PKHD1L1: variants seen among roughly 807,000 people sequenced by gnomAD.
The protein encoded by PKHD1L1 is fibrocystin-L.
PKHD1L1 carries 434 observed loss-of-function variants against 462.9 expected under a neutral mutation model. That is an observed-to-expected ratio of 0.94 (90% CI 0.87 to 1.02). The LOEUF is 1.02. Ranked by LOEUF, PKHD1L1 falls within the 50% of genes least tolerant of loss-of-function variation. The pLI is 0.00. For synonymous variants in PKHD1L1, 1,781 were observed against 1,750.0 expected, an observed-to-expected ratio of 1.02 and a Z score of -0.44; for missense variants, 5,202 against 5,096.1, an observed-to-expected ratio of 1.02 and a Z score of -0.63.
In PKHD1L1 at chr8:109,384,070, G is replaced by T; in HGVS notation, c.418G>T (p.Ala140Ser). 6.2e-7 allele frequency: 1 copy of T among 1,603,782 alleles called. No individual in the cohort carries two copies. The highest frequency in any genetic ancestry group is 8.5e-7 in the Non-Finnish European group (1 of 1,171,354). ...HINSWECTFNAKSFRTPTIRS... is the reference protein window; with the variant it reads ...HINSWECTFNSKSFRTPTIRS... ...CATATTGACATTATTCTTTTTACAG[G>T]CAAAAAGTTTTAGAACCCCAACAAT... The change falls in exon 5 of 78, where the codon GCA becomes TCA. Residue 140 changes from alanine (A) to serine (S), a missense_variant and splice_region_variant. Physicochemically the swap from Ala to Ser is moderately conservative, Grantham distance 99. Transcript: ENST00000378402.
intron 47 of PKHD1L1, among the ~76,000 whole-genome samples, chr8:109,460,259 TA>T (rs1478929718): frequency 6.6e-6 from 1 of 152,180 alleles, no homozygotes; most frequent in Non-Finnish European, 1.5e-5. Flanking sequence ...CTATATTTGA[TA>T]GTGATACAAA....
At chr8:109,522,415 T>C (rs1820597781) in intron 74 of PKHD1L1, 78 bp downstream of exon 74, 4 of 1,361,098 alleles carry the variant, frequency 2.9e-6, no homozygotes, top group Non-Finnish European at 3.9e-6. Context: ...TAACTCTCTG[T>C]TTCTATTTCA....
At chr8:109,459,432 C>G (rs1816991504) in intron 46 of PKHD1L1, among the ~76,000 whole-genome samples, 163 bp from the exon 47 acceptor site, 1 of 123,558 alleles carries the variant, frequency 8.1e-6, no homozygotes, top group Non-Finnish European at 1.9e-5. Context: ...GTTAATCAAG[C>G]AAGAATAAAA....
At chr8:109,480,195 A>T in intron 55 of PKHD1L1, 56 bp downstream of exon 55, 1 of 1,471,936 alleles carries the variant, frequency 6.8e-7, no homozygotes, top group South Asian at 1.4e-5. Flanking sequence ...TAAAATGTGT[A>T]TTTACTCAAA....
In PKHD1L1 at chr8:109,530,192, A is replaced by G; in HGVS notation, c.*102A>G. 1 of 619,106 alleles carries G rather than the reference A, an allele frequency of 1.6e-6. No individual in the cohort carries two copies. The highest frequency in any genetic ancestry group is 2.4e-6 in the Non-Finnish European group (1 of 416,032). 38.4% of individuals were successfully genotyped at this position (619,106 alleles called of 1,614,324 possible). ...TATAGCATTTTCATGAAAATATACTAAAAATATTTTTATGATATATAAAAT... is the reference window on the plus strand; with the variant it reads ...TATAGCATTTTCATGAAAATATACTGAAAATATTTTTATGATATATAAAAT... On this transcript the variant is annotated 3_prime_UTR_variant, in exon 78 of 78. Coordinates refer to ENST00000378402, the MANE Select transcript of PKHD1L1 (RefSeq NM_177531.6).
In PKHD1L1 at chr8:109,489,838, G is replaced by A. The variant is rs1488336146; in HGVS notation, c.9881-114G>A. The A allele has an allele frequency of 1.6e-5, 11 of 703,722 alleles. No homozygotes were observed. In the South Asian group the frequency reaches 1.7e-4, roughly 11 times the overall value. The allele number at this position is 703,722 out of a possible 1,614,324, so 43.6% of individuals were successfully genotyped here. A position where few individuals can be genotyped will look rare whatever the true frequency, so the allele number is the denominator to read the frequency against. ...ATACTACCTCTTCTGGATTAAAGGA[G>A]CAAAGAATAATGATTTTTTCATGAA... On this transcript the variant is annotated intron_variant, in intron 59 of 77. Coordinates refer to ENST00000378402, the MANE Select transcript of PKHD1L1 (RefSeq NM_177531.6).
chr8:109,376,577 G>A (rs549936598), intron 2 of PKHD1L1, among the ~76,000 whole-genome samples: 27 of 152,214 alleles, frequency 1.8e-4, no homozygotes, highest in Admixed American at 5.9e-4. Flanking sequence ...GAAATCACAC[G>A]TCTTCTGCAT....
intron 2 of PKHD1L1, 150 bp downstream of exon 2, chr8:109,364,786 A>T (rs970238768): frequency 1.6e-6 from 1 of 612,710 alleles, no homozygotes; most frequent in Non-Finnish European, 2.8e-6. Flanking sequence ...GTCCTCTTTG[A>T]TAGCTAGTGA....
At chr8:109,506,924 A>G (rs747253600) in intron 68 of PKHD1L1, among the ~76,000 whole-genome samples, 3 of 152,170 alleles carry the variant, frequency 2.0e-5, no homozygotes, top group Admixed American at 6.6e-5. Flanking sequence ...TTTTATTATT[A>G]TAATCAGGTA....
At position 109,465,213 on chromosome 8, in the gene PKHD1L1, T is replaced by A; in HGVS notation, c.8381T>A (p.Met2794Lys). The change falls in exon 49 of 78, where the codon ATG becomes AAG. Residue 2794 changes from methionine (M) to lysine (K), a missense_variant. Transcript: ENST00000378402. ...NKAGFRWEHE[M>K]VMIDVDGSLT... is the part of the protein sequence containing the mutation. The stretch of plus-strand genomic sequence containing the variant: ...GCTGGCTTTCGCTGGGAACATGAAA[T>A]GGTAATGATTGATGTTGATGGCTCA... 1.9e-6 allele frequency: 3 copies of A among 1,613,502 alleles called. No individual in the cohort carries two copies. Among genetic ancestry groups the A allele is most frequent in the Non-Finnish European group, 2.5e-6 (3 of 1,179,642 alleles).
intron 53 of PKHD1L1, among the ~76,000 whole-genome samples, chr8:109,478,114 T>C (rs1188821423): frequency 6.6e-6 from 1 of 152,168 alleles, no homozygotes; most frequent in Non-Finnish European, 1.5e-5. Context: ...TAACATTTAG[T>C]GGGCACTGAA....
At chr8:109,491,239 T>C (rs1189814216) in intron 61 of PKHD1L1, 138 bp downstream of exon 61, 3 of 869,034 alleles carry the variant, frequency 3.5e-6, no homozygotes, top group African/African-American at 3.4e-5. Context: ...ATATAGTAAT[T>C]ACTAAGTCAT....
chr8:109,449,013 A>G (rs1336333229), intron 39 of PKHD1L1, among the ~76,000 whole-genome samples: 2 of 152,156 alleles, frequency 1.3e-5, no homozygotes, highest in African/African-American at 2.4e-5. Context: ...TAAATAAACC[A>G]ATCTACTTAA....
intron 67 of PKHD1L1, among the ~76,000 whole-genome samples, chr8:109,502,012 G>T (rs1163753965): frequency 1.3e-5 from 2 of 151,822 alleles, no homozygotes; most frequent in Non-Finnish European, 2.9e-5. Context: ...GTGACCCTGT[G>T]TACTACCCAA....
chr8:109,401,574 G>T lies in PKHD1L1; in HGVS notation c.1359G>T (p.Leu453=). ...CACAAAGATCAGATGATATTCATCT[G>T]CAGAAAGGAAAAGAGTAAGGCTTTT... ...SPTQRSDDIH[L]QKGKEYYIEI... is the part of the protein sequence containing the mutation. Residue 453 remains leucine (L), a synonymous_variant, in exon 14 of 78, where the codon CTG becomes CTT. Transcript: ENST00000378402. 6.4e-7 allele frequency: 1 copy of T among 1,571,462 alleles called. No homozygotes were observed. The highest frequency in any genetic ancestry group is 8.7e-7 in the Non-Finnish European group (1 of 1,144,638).
At position 109,444,665 on chromosome 8, in the gene PKHD1L1, C is replaced by A; in HGVS notation, c.4796C>A (p.Thr1599Lys). The change falls in exon 38 of 78, where the codon ACA becomes AAA. Residue 1599 changes from threonine (T) to lysine (K), a missense_variant. Around this residue, in one of 3 missense-constraint regions of PKHD1L1, gnomAD observed 4,497 missense variants for 4,336.8 expected, o/e 1.04. Transcript: ENST00000378402. ...FSNLPWANKVTIGSYPCVVEE... is the reference protein window; with the variant it reads ...FSNLPWANKVKIGSYPCVVEE... ...TTGTATTCATTTTACTTACAGGTTA[C>A]AATTGGTAGCTACCCCTGTGTCGTA... 1 of 1,610,186 alleles carries A rather than the reference C, an allele frequency of 6.2e-7. No homozygotes were observed.
intron 70 of PKHD1L1, 108 bp downstream of exon 70, chr8:109,508,372 G>A (rs1819806677): frequency 8.8e-7 from 1 of 1,136,254 alleles, no homozygotes; most frequent in South Asian, 1.6e-5. Flanking sequence ...CAAACATCAG[G>A]CCTTGTTTGC....
chr8:109,496,406 T>A (rs1302421564), intron 63 of PKHD1L1, among the ~76,000 whole-genome samples: 3 of 152,194 alleles, frequency 2.0e-5, no homozygotes, highest in Non-Finnish European at 4.4e-5. Flanking sequence ...GGAAAGATGT[T>A]CAGGGGAAGC....
At chr8:109,454,389 C>A in intron 44 of PKHD1L1, 143 bp downstream of exon 44, 2 of 667,534 alleles carry the variant, frequency 3.0e-6, no homozygotes, top group Non-Finnish European at 2.4e-6. Flanking sequence ...GTATAAAATC[C>A]TTTATGCAAG....
Sources: gnomAD v4.1 joint callset for allele counts (sites outside exome capture counted in the v4.1 genomes callset) on GRCh38, gnomAD v4.1.1 for gene constraint, gnomAD v4.1.1 regional missense constraint, MANE v1.5 for transcripts, NCBI Gene and HGNC (gene_info 2026-07-23, HGNC 2026-07-21) for gene names.